Variants in NXF3 observed in about 807,000 individuals in gnomAD.
NXF3 encodes TAP-like protein 3.
A neutral mutation model predicts 48.4 loss-of-function variants in NXF3; 34 were observed. The observed-to-expected ratio is 0.70, with a 90% CI of 0.53 to 0.93. The LOEUF is 0.93. Ranked by LOEUF, NXF3 falls within the 40% of genes least tolerant of loss-of-function variation. The probability of loss-of-function intolerance (pLI) is 0.00; values close to 1 mark genes in which losing one functional copy is unlikely to be tolerated. For missense variants in NXF3, 359 were observed against 406.1 expected, an observed-to-expected ratio of 0.88 and a Z score of 1.00; for synonymous variants, 132 against 145.7, an observed-to-expected ratio of 0.91 and a Z score of 0.68.
At chrX:103,076,849 T>C (rs957210647) in intron 18 of NXF3, among the ~76,000 whole-genome samples, 3 of 102,793 alleles carry the variant, frequency 2.9e-5, no homozygotes, top group East Asian at 3.2e-4. Flanking sequence ...GCCAAAGGCA[T>C]GAGTAACTAT....
chrX:103,077,670 C>T lies in NXF3; in HGVS notation c.1528G>A (p.Val510Met). Residue 510 changes from valine to methionine, a missense_variant, in exon 18 of 20, where the codon GTG becomes ATG. Physicochemically the swap from Val to Met is conservative, Grantham distance 21. Coordinates refer to ENST00000395065, the MANE Select transcript of NXF3 (RefSeq NM_022052.2). ...QGTQSALFTL[V>M]PTAFSSSVPA... ...ACGGAGCTGGAGAAGGCTGTGGGCA[C>T]TAGGGTGAACAAGGCACTCTGGGTC... 8.3e-7 allele frequency: 1 copy of T among 1,211,436 alleles called. No homozygotes were observed. Among genetic ancestry groups the T allele is most frequent in the South Asian group, 1.8e-5 (1 of 56,980 alleles).
chrX:103,093,033 G>A lies in NXF3; in HGVS notation c.-10C>T, dbSNP rs1922316391. On this transcript the variant is annotated 5_prime_UTR_variant, in exon 1 of 20. Coordinates refer to ENST00000395065, the MANE Select transcript of NXF3 (RefSeq NM_022052.2). ...CTGAAGGCAGTGACATTTTACCAATGTCCTTATAGGGCTCTCTTGAGGAGA... is the reference window on the plus strand; with the variant it reads ...CTGAAGGCAGTGACATTTTACCAATATCCTTATAGGGCTCTCTTGAGGAGA... 5.8e-6 allele frequency: 7 copies of A among 1,202,374 alleles called. No homozygotes were observed. The highest frequency in any genetic ancestry group is 2.2e-5 in the Admixed American group (1 of 45,807).
intron 8 of NXF3, 23 bp from the exon 9 acceptor site, chrX:103,082,387 C>T (rs373181499): frequency 1.5e-5 from 16 of 1,084,822 alleles, no homozygotes; most frequent in African/African-American, 1.1e-4. Flanking sequence ...AGAAGAACCA[C>T]GTAGACCCAG....
chrX:103,082,358 A>C lies in NXF3; in HGVS notation c.787T>G (p.Ser263Ala). The change falls in exon 9 of 20, where the codon TCT (serine) becomes GCT (alanine). Residue 263 changes from serine (S) to alanine (A), a missense_variant. Physicochemically the swap from Ser to Ala is moderately conservative, Grantham distance 99. Transcript: ENST00000395065. ...TTCCACTTGTCCATCTCCCCTGCAG[A>C]CATCACCTGCAATTATGCAGAAGAA... is the stretch of plus-strand genomic sequence containing the variant. ...VHEENIPTVMSAGEMDKWKGI... is the reference protein window; with the variant it reads ...VHEENIPTVMAAGEMDKWKGI... The C allele has an allele frequency of 8.5e-7, 1 of 1,182,086 alleles. No homozygotes were observed. The highest frequency in any genetic ancestry group is 1.1e-6 in the Non-Finnish European group (1 of 870,173).
At chrX:103,088,229 G>A in intron 1 of NXF3, 1 of 742,646 alleles carries the variant, frequency 1.3e-6, no homozygotes, top group Non-Finnish European at 2.0e-6. Flanking sequence ...AAACGTGCTA[G>A]GAGTAAAAAA....
intron 3 of NXF3, 93 bp from the exon 4 acceptor site, chrX:103,083,785 T>A: frequency 1.6e-6 from 1 of 610,351 alleles, no homozygotes; most frequent in Non-Finnish European, 2.7e-6. Flanking sequence ...TTTCAGACTT[T>A]AAAATAGTTT....
intron 1 of NXF3, chrX:103,089,027 T>A (rs1237108857): frequency 9.6e-6 from 11 of 1,150,163 alleles, no homozygotes; most frequent in Non-Finnish European, 1.3e-5. Flanking sequence ...AGCAAAGCCA[T>A]CCTTTTTGCA....
At chrX:103,082,921 TC>T in intron 7 of NXF3, 73 bp from the exon 8 acceptor site, 1 of 1,137,265 alleles carries the variant, frequency 8.8e-7, no homozygotes, top group Non-Finnish European at 1.2e-6. Context: ...CACTAACCCC[TC>T]CCCAAGTTGC....
At chrX:103,085,892 G>A (rs1159805513) in intron 1 of NXF3, among the ~76,000 whole-genome samples, 1 of 63,427 alleles carries the variant, frequency 1.6e-5, no homozygotes, top group African/African-American at 6.3e-5. Context: ...GACAAAGCGA[G>A]ACTCTGTCAA....
At chrX:103,081,925 C>T (rs1364060765) in intron 9 of NXF3, among the ~76,000 whole-genome samples, 1 of 111,652 alleles carries the variant, frequency 9.0e-6, no homozygotes, top group Non-Finnish European at 1.9e-5. Context: ...GGACTCTTCT[C>T]GGTCCAGGGC....
intron 16 of NXF3, 66 bp from the exon 17 acceptor site, chrX:103,078,698 C>G: frequency 1.7e-6 from 2 of 1,201,729 alleles, no homozygotes; most frequent in Admixed American, 2.2e-5. Context: ...ATGGTGATCC[C>G]CAATCAGAGT....
intron 17 of NXF3, 128 bp downstream of exon 17, chrX:103,078,432 T>G (rs1921923627): frequency 3.0e-6 from 3 of 984,746 alleles, no homozygotes; most frequent in Non-Finnish European, 4.3e-6. Flanking sequence ...TGGCCCATAC[T>G]CTTAACTATT....
In NXF3 at chrX:103,080,222, G is replaced by A. The variant is rs1030780128; in HGVS notation, c.928-6C>T. On this transcript the variant is annotated splice_region_variant and splice_polypyrimidine_tract_variant and intron_variant, in intron 10 of 19. Transcript: ENST00000395065. Reference sequence around the variant, plus strand: ...CTGGGTGACTGCTGGCCATCCTGGGGAAGGCAAGAGGAAGTCAGTAGTGCA... The same window carrying A: ...CTGGGTGACTGCTGGCCATCCTGGGAAAGGCAAGAGGAAGTCAGTAGTGCA... 3.3e-6 allele frequency: 4 copies of A among 1,208,119 alleles called. No homozygotes were observed. The East Asian group carries it at 1.2e-4, about 36-fold the overall frequency.
intron 18 of NXF3, among the ~76,000 whole-genome samples, chrX:103,076,594 G>A (rs1457053556): frequency 9.0e-6 from 1 of 111,337 alleles, no homozygotes; most frequent in Non-Finnish European, 1.9e-5. Flanking sequence ...TAAATAAGAT[G>A]GCTATAAGAT....
chrX:103,089,271 G>T, intron 1 of NXF3: 1 of 494,372 alleles, frequency 2.0e-6, no homozygotes, highest in Non-Finnish European at 3.5e-6. Flanking sequence ...CTTGGATTCG[G>T]TTATGTAAAC....
chrX:103,084,560 C>T (rs768192896), intron 2 of NXF3, 65 bp from the exon 3 acceptor site: 9 of 1,150,602 alleles, frequency 7.8e-6, no homozygotes, highest in Admixed American at 6.7e-5. Flanking sequence ...ACATTTGATC[C>T]ACTGATACCA....
At chrX:103,087,268 A>G in intron 1 of NXF3, 1 of 1,079,380 alleles carries the variant, frequency 9.3e-7, no homozygotes, top group Non-Finnish European at 1.3e-6. Flanking sequence ...ACCTAGAAAC[A>G]GGCCATATAT....
At chrX:103,087,676 A>G in intron 1 of NXF3, 3 of 1,044,251 alleles carry the variant, frequency 2.9e-6, no homozygotes, top group Non-Finnish European at 4.0e-6. Context: ...ATATTCATGC[A>G]TATACAATCT....
At chrX:103,079,543 C>T (rs921413399) in intron 14 of NXF3, 41 bp downstream of exon 14, 2 of 1,194,363 alleles carry the variant, frequency 1.7e-6, no homozygotes, top group Non-Finnish European at 2.3e-6. Flanking sequence ...GTTCCTGTCA[C>T]ACCCCCTTAC....
Sources: gnomAD v4.1 joint callset for allele counts (sites outside exome capture counted in the v4.1 genomes callset) on GRCh38, gnomAD v4.1.1 for gene constraint, MANE v1.5 for transcripts, NCBI Gene and HGNC (gene_info 2026-07-23, HGNC 2026-07-21) for gene names.